ST18: variants seen among roughly 807,000 people sequenced by gnomAD.
ST18 encodes suppression of tumorigenicity 18 protein.
In ST18, 50 loss-of-function variants were observed where a neutral mutation model predicts 110.0. The observed-to-expected ratio is 0.45, with a 90% CI of 0.36 to 0.58. ST18 has a LOEUF of 0.58. ST18 is among the 20% of genes least tolerant of loss of function. ST18 has a pLI of 0.00. For missense variants in ST18, 1,306 were observed against 1,280.1 expected (o/e 1.02, Z -0.31); for synonymous variants, 461 against 452.4 (o/e 1.02, Z -0.24).
chr8:52,176,046 G>T (rs191163628), intron 9 of ST18, among the ~76,000 whole-genome samples: 1 of 150,954 alleles, frequency 6.6e-6, no homozygotes, highest in African/African-American at 2.4e-5. Context: ...TTTTTAGACG[G>T]AGTCTCCCTC....
rs548511960 is a variant in ST18, at chr8:52,360,393, C to T, written c.-465+48935G>A. Reference sequence around the variant, plus strand: ...TTAAATATAAATATACTGTGAGGTACGCTTCATTCAGGCTACATAATTAAA... The same window carrying T: ...TTAAATATAAATATACTGTGAGGTATGCTTCATTCAGGCTACATAATTAAA... On this transcript the variant is annotated intron_variant, in intron 2 of 25. Transcript: ENST00000689386. Among the ~76,000 whole-genome samples the T allele has an allele frequency of 6.4e-4, 97 of 151,996 alleles. No homozygotes were observed. The East Asian group carries it at 9.3e-3, about 15-fold the overall frequency.
chr8:52,135,495 G>A (rs2051686308), intron 19 of ST18, among the ~76,000 whole-genome samples: 1 of 149,646 alleles, frequency 6.7e-6, no homozygotes, highest in African/African-American at 2.5e-5. Context: ...GGGAGGCGGA[G>A]GTTGCAGTGA....
intron 8 of ST18, 110 bp from the exon 9 acceptor site, chr8:52,180,422 GT>G: frequency 8.2e-7 from 1 of 1,218,276 alleles, no homozygotes; most frequent in Non-Finnish European, 1.2e-6. Flanking sequence ...GGGACTAGAG[GT>G]TTAGGGTTGG....
At chr8:52,183,647 A>C (rs533125761) in intron 8 of ST18, among the ~76,000 whole-genome samples, 1 of 152,308 alleles carries the variant, frequency 6.6e-6, no homozygotes, top group East Asian at 1.9e-4. Flanking sequence ...TGGATAAAAG[A>C]GATAACATCT....
intron 9 of ST18, 32 bp downstream of exon 9, chr8:52,180,090 G>A (rs757027023): frequency 3.7e-6 from 6 of 1,607,274 alleles, no homozygotes; most frequent in Non-Finnish European, 5.1e-6. Context: ...GAGCCAGGGA[G>A]CAGGTAAAGT....
intron 2 of ST18, among the ~76,000 whole-genome samples, chr8:52,319,669 T>G (rs1247314996): frequency 6.6e-6 from 1 of 152,184 alleles, no homozygotes; most frequent in Non-Finnish European, 1.5e-5. Flanking sequence ...TGGTTCATAA[T>G]TTTGTGAGAC....
chr8:52,357,277 C>A (rs1187346224), intron 2 of ST18, among the ~76,000 whole-genome samples: 1 of 151,894 alleles, frequency 6.6e-6, no homozygotes, highest in Admixed American at 6.6e-5. Context: ...AACAAAAGTT[C>A]TAAATTTATA....
rs556723778 is a variant in ST18 at position 52,157,333 on chromosome 8, C to A, written c.1806+1565G>T. 7.2e-5 allele frequency among the ~76,000 whole-genome samples: 11 copies of A among 152,194 alleles called. No individual in the cohort carries two copies. In the East Asian group the frequency reaches 1.6e-3, roughly 21 times the overall value. ...TCTACAGGCACAGATGGACAGCATT[C>A]ATTCTAGAACCACTTACCGTAGTCA... On this transcript the variant is annotated intron_variant, in intron 15 of 25. Transcript: ENST00000689386.
rs2060706833 is a variant in ST18 at position 52,158,964 on chromosome 8, G to T, written c.1740C>A (p.Asn580Lys). 2 of 1,614,084 alleles carry T rather than the reference G, an allele frequency of 1.2e-6. No homozygotes were observed. Among genetic ancestry groups the T allele is most frequent in the East Asian group, 2.2e-5 (1 of 44,884 alleles). ...TGGCTTCCCTGCAGCGGGTGGAAAG[G>T]TTCAGGATGGCAGCAGCTGCTGCTA... is the stretch of plus-strand genomic sequence containing the variant. ...THIAAAAAIL[N>K]LSTRCREATD... Residue 580 changes from asparagine to lysine, a missense_variant, in exon 15 of 26, where the codon AAC becomes AAA. Coordinates refer to ENST00000689386, the MANE Select transcript of ST18 (RefSeq NM_001352837.2).
At chr8:52,176,143 T>C (rs929363278) in intron 9 of ST18, among the ~76,000 whole-genome samples, 2 of 152,054 alleles carry the variant, frequency 1.3e-5, no homozygotes, top group Admixed American at 6.6e-5. Context: ...TGCCTCAGCA[T>C]CCTGAGTAGC....
At chr8:52,328,862 G>C (rs1372144148) in intron 2 of ST18, among the ~76,000 whole-genome samples, 2 of 152,140 alleles carry the variant, frequency 1.3e-5, no homozygotes, top group Non-Finnish European at 2.9e-5. Context: ...GGAAGTTTCT[G>C]TCTGCTGGGG....
chr8:52,216,554 C>T (rs2084303600), intron 6 of ST18, among the ~76,000 whole-genome samples: 1 of 152,040 alleles, frequency 6.6e-6, no homozygotes, highest in African/African-American at 2.4e-5. Context: ...ACATAGAAAA[C>T]AAAAGTTACT....
intron 2 of ST18, among the ~76,000 whole-genome samples, chr8:52,289,540 G>A (rs1455954529): frequency 2.0e-5 from 3 of 152,228 alleles, no homozygotes; most frequent in South Asian, 2.1e-4. Flanking sequence ...TTCAGGAAGC[G>A]GGAAGTTTTG....
At chr8:52,142,449 A>G (rs895261212) in intron 17 of ST18, among the ~76,000 whole-genome samples, 2 of 152,188 alleles carry the variant, frequency 1.3e-5, no homozygotes, top group Admixed American at 1.3e-4. Context: ...ATATTTAATC[A>G]CTTACACATG....
At chr8:52,347,814 A>G (rs904123617) in intron 2 of ST18, among the ~76,000 whole-genome samples, 2 of 152,158 alleles carry the variant, frequency 1.3e-5, no homozygotes, top group African/African-American at 4.8e-5. Flanking sequence ...ATTCAAATCC[A>G]CCTCCTCTGG....
At chr8:52,244,262 C>T (rs1053001950) in intron 2 of ST18, among the ~76,000 whole-genome samples, 1 of 152,148 alleles carries the variant, frequency 6.6e-6, no homozygotes, top group African/African-American at 2.4e-5. Flanking sequence ...AACCCGCACG[C>T]TGTTCTATAA....
chr8:52,286,163 G>A (rs574177100), intron 2 of ST18, among the ~76,000 whole-genome samples: 2 of 152,144 alleles, frequency 1.3e-5, no homozygotes, highest in Non-Finnish European at 2.9e-5. Context: ...GAATTTAGAG[G>A]ATCATATATC....
rs538702062 is a variant in ST18, at chr8:52,312,022, T to A, written c.-464-81945A>T. Among the ~76,000 whole-genome samples the A allele has an allele frequency of 2.0e-5, 3 of 152,370 alleles. No individual in the cohort carries two copies. In the South Asian group the frequency reaches 6.2e-4, roughly 32 times the overall value. ...CTATTTAAACACAAGCCTGTTCATATGTACCTTTGCATTAACCTCTCATAA... is the reference window on the plus strand; with the variant it reads ...CTATTTAAACACAAGCCTGTTCATAAGTACCTTTGCATTAACCTCTCATAA... On this transcript the variant is annotated intron_variant, in intron 2 of 25. Transcript: ENST00000689386.
intron 17 of ST18, among the ~76,000 whole-genome samples, chr8:52,138,149 A>G (rs1282399698): frequency 6.6e-6 from 1 of 151,980 alleles, no homozygotes; most frequent in African/African-American, 2.4e-5. Flanking sequence ...ATAAAAAATA[A>G]ATATTAGAAA....
Sources: allele counts gnomAD v4.1 joint callset (sites outside exome capture counted in the v4.1 genomes callset), GRCh38; gene constraint gnomAD v4.1.1; transcripts MANE v1.5; gene names NCBI Gene and HGNC (gene_info 2026-07-23, HGNC 2026-07-21).